The following ROBO1 variants were observed in gnomAD, a reference collection of about 807,000 sequenced individuals.
ROBO1 encodes the protein roundabout guidance receptor 1, also known as roundabout homolog 1.
ROBO1 carries 149 observed loss-of-function variants against 195.9 expected under a neutral mutation model. The ratio of observed to expected loss-of-function variants is 0.76; its 90% CI spans 0.67 to 0.87. The LOEUF is 0.87. ROBO1 is among the 40% of genes least tolerant of loss of function. The probability of loss-of-function intolerance (pLI) is 0.00; values close to 1 mark genes in which losing one functional copy is unlikely to be tolerated. For synonymous variants in ROBO1, 816 were observed against 733.2 expected (o/e 1.11, Z -1.82); for missense variants, 1,933 against 2,068.3 (o/e 0.93, Z 1.27).
intron 2 of ROBO1, among the ~76,000 whole-genome samples, chr3:79,568,497 A>T (rs1365981384): frequency 6.9e-6 from 1 of 145,104 alleles, no homozygotes; most frequent in Non-Finnish European, 1.5e-5. Context: ...AAAAAAAAAC[A>T]GATTGATTGA....
At chr3:79,603,739 G>T (rs1262444616) in intron 1 of ROBO1, among the ~76,000 whole-genome samples, 1 of 151,944 alleles carries the variant, frequency 6.6e-6, no homozygotes, top group Non-Finnish European at 1.5e-5. Context: ...GAGATCTGGA[G>T]GGGCAACTAA....
intron 8 of ROBO1, chr3:78,692,825 A>C (rs2081204797): frequency 6.6e-6 from 1 of 152,192 alleles, no homozygotes; most frequent in South Asian, 2.1e-4. Context: ...CCTACACAAA[A>C]TAAAATGAAT....
At chr3:79,499,482 A>T (rs184223427) in intron 2 of ROBO1, among the ~76,000 whole-genome samples, 1 of 152,200 alleles carries the variant, frequency 6.6e-6, no homozygotes, top group Non-Finnish European at 1.5e-5. Flanking sequence ...TTTCTTATAA[A>T]TATTTCAATT....
chr3:79,144,268 T>C (rs565000795), intron 2 of ROBO1, among the ~76,000 whole-genome samples: 2 of 152,248 alleles, frequency 1.3e-5, no homozygotes, highest in South Asian at 4.1e-4. Context: ...AAAATTGTTT[T>C]CCAGAGTGTC....
chr3:78,888,766 G>T (rs1160581309), intron 4 of ROBO1, among the ~76,000 whole-genome samples: 1 of 152,064 alleles, frequency 6.6e-6, no homozygotes, highest in African/African-American at 2.4e-5. Flanking sequence ...CTCTGTTTCA[G>T]GTCATGGTGA....
chr3:79,456,481 T>C (rs1240888039), intron 2 of ROBO1, among the ~76,000 whole-genome samples: 1 of 152,086 alleles, frequency 6.6e-6, no homozygotes, highest in Non-Finnish European at 1.5e-5. Flanking sequence ...CGTGGTTGGA[T>C]AGCTTAAAGC....
chr3:79,265,302 T>A (rs2083018968), intron 2 of ROBO1, among the ~76,000 whole-genome samples: 1 of 151,576 alleles, frequency 6.6e-6, no homozygotes, highest in African/African-American at 2.4e-5. Context: ...GCAGATTTTT[T>A]TTTTTTGCTG....
chr3:79,426,580 C>A (rs2038454254), intron 2 of ROBO1, among the ~76,000 whole-genome samples: 1 of 152,058 alleles, frequency 6.6e-6, no homozygotes, highest in Non-Finnish European at 1.5e-5. Context: ...GTTGGCCAGG[C>A]TGGTCTTGAA....
At chr3:78,803,131 A>T (rs182606641) in intron 4 of ROBO1, among the ~76,000 whole-genome samples, 4 of 152,280 alleles carry the variant, frequency 2.6e-5, no homozygotes, top group African/African-American at 9.6e-5. Context: ...ACTTGGGTTG[A>T]AATTCCCACT....
chr3:78,997,974 T>C (rs1377030764), intron 3 of ROBO1, among the ~76,000 whole-genome samples: 2 of 152,204 alleles, frequency 1.3e-5, no homozygotes, highest in Non-Finnish European at 2.9e-5. Context: ...TTTTAGTATA[T>C]GTTGGACCAG....
chr3:78,694,903 T>C (rs1027064672), intron 8 of ROBO1, among the ~76,000 whole-genome samples: 6 of 152,120 alleles, frequency 3.9e-5, no homozygotes, highest in Non-Finnish European at 7.3e-5. Flanking sequence ...GTCAGAAAAG[T>C]AGAGAAATGA....
chr3:79,213,650 T>TAATTTCTCCCTGAGAAATC (rs2108807797), intron 2 of ROBO1, among the ~76,000 whole-genome samples: 1 of 152,270 alleles, frequency 6.6e-6, no homozygotes, highest in Non-Finnish European at 1.5e-5. Context: ...CCAAGAGATT[T>TAATTTCTCCCTGAGAAATC]AATTTCTCCC....
At position 79,345,676 on chromosome 3, in the gene ROBO1, T is replaced by C. The variant is rs150082224; in HGVS notation, c.89-220137A>G. Among the ~76,000 whole-genome samples the C allele has an allele frequency of 5.1e-3, 778 of 152,238 alleles. 3 individuals carry two copies. Among genetic ancestry groups the C allele is most frequent in the Non-Finnish European group, 8.2e-3 (557 of 68,018 alleles). ...AAACCCTACCACAGCCACTTTCTAATCATGATATGATGCAGCTTGAGTGAC... is the reference window on the plus strand; with the variant it reads ...AAACCCTACCACAGCCACTTTCTAACCATGATATGATGCAGCTTGAGTGAC... On this transcript the variant is annotated intron_variant, in intron 2 of 30. Transcript: ENST00000464233.
intron 8 of ROBO1, among the ~76,000 whole-genome samples, chr3:78,709,243 C>T (rs2081623681): frequency 6.6e-6 from 1 of 152,122 alleles, no homozygotes; most frequent in South Asian, 2.1e-4. Context: ...CATTGTTTCA[C>T]TATTTTGTAT....
chr3:78,680,471 C>T (rs993902699), intron 10 of ROBO1, among the ~76,000 whole-genome samples: 16 of 151,944 alleles, frequency 1.1e-4, no homozygotes, highest in Non-Finnish European at 2.1e-4. Flanking sequence ...ACAATGAACT[C>T]CAACAAATTT....
chr3:78,670,041 G>A (rs1707971704), intron 11 of ROBO1, 55 bp downstream of exon 11: 1 of 1,393,038 alleles, frequency 7.2e-7, no homozygotes, highest in South Asian at 1.4e-5. Context: ...CCAGTTGTTG[G>A]AGGCAGAAAC....
intron 2 of ROBO1, among the ~76,000 whole-genome samples, chr3:79,438,795 T>C (rs1306000711): frequency 6.6e-6 from 1 of 152,080 alleles, no homozygotes; most frequent in African/African-American, 2.4e-5. Context: ...AATTAGGTCA[T>C]TTTTATTTTT....
intron 3 of ROBO1, among the ~76,000 whole-genome samples, chr3:78,989,384 C>A (rs892519599): frequency 7.2e-5 from 11 of 152,118 alleles, no homozygotes; most frequent in Non-Finnish European, 1.3e-4. Flanking sequence ...GAGGCCAAAG[C>A]GGGTGGAACA....
chr3:79,456,931 T>G (rs1237100454), intron 2 of ROBO1, among the ~76,000 whole-genome samples: 1 of 152,064 alleles, frequency 6.6e-6, no homozygotes, highest in East Asian at 1.9e-4. Flanking sequence ...TTGTGCATCT[T>G]TCTTTCAAGG....
Sources: allele counts gnomAD v4.1 joint callset (sites outside exome capture counted in the v4.1 genomes callset), GRCh38; gene constraint gnomAD v4.1.1; transcripts MANE v1.5; gene names NCBI Gene and HGNC (gene_info 2026-07-23, HGNC 2026-07-21).